TRANK1: variants seen among roughly 807,000 people sequenced by gnomAD.
TRANK1 encodes the protein tetratricopeptide repeat and ankyrin repeat containing 1.
In TRANK1, 198 loss-of-function variants were observed where a neutral mutation model predicts 266.0. The observed-to-expected ratio is 0.74, with a 90% CI of 0.66 to 0.84. The LOEUF (loss-of-function observed/expected upper bound fraction) is 0.84. TRANK1 is among the 40% of genes least tolerant of loss of function. The pLI is 0.00. For synonymous variants in TRANK1, 1,396 were observed against 1,384.1 expected (o/e 1.01, Z -0.19); for missense variants, 3,326 against 3,634.6 (o/e 0.92, Z 2.18).
Position 36,827,436 on chromosome 3 carries a change from C to G in TRANK1, c.*839G>C, listed in dbSNP as rs2078644063. 6.6e-6 allele frequency: 1 copy of G among 152,330 alleles called. No homozygotes were observed. The highest frequency in any genetic ancestry group is 2.4e-5 in the African/African-American group (1 of 41,472). The allele number at this position is 152,330 out of a possible 1,614,324, so 9.4% of individuals were successfully genotyped here. On this transcript the variant is annotated 3_prime_UTR_variant, in exon 24 of 24. Transcript: ENST00000645898. ...AACTTGCCAGGGAGAACCAAGAAAA[C>G]TAGATGTACAGGGCTGTATACAAAA...
rs769646137 is a variant in TRANK1, at chr3:36,861,114, G to A, written c.1287C>T (p.Thr429=). ...TTTCCAATAAGAATTTGAAGACGGT[G>A]GTGGCACAGTCTTGATTAATATCAC... ...LVCDINQDCA[T]TVFKFLLEKQ... is the part of the protein sequence containing the mutation. The change falls in exon 11 of 24, where the codon ACC becomes ACT. Residue 429 remains threonine, a synonymous_variant. Transcript: ENST00000645898. 15 of 1,537,406 alleles carry A rather than the reference G, an allele frequency of 9.8e-6. No homozygotes were observed. Among genetic ancestry groups the A allele is most frequent in the Non-Finnish European group, 1.3e-5 (15 of 1,146,924 alleles).
At chr3:36,922,151 AAAT>A (rs1212199159) in intron 1 of TRANK1, among the ~76,000 whole-genome samples, 1 of 151,904 alleles carries the variant, frequency 6.6e-6, no homozygotes, top group Non-Finnish European at 1.5e-5. Context: ...ATCTCAATAA[AAAT>A]AATAATAATA....
chr3:36,835,932 C>T (rs1030589952), intron 20 of TRANK1, among the ~76,000 whole-genome samples: 7 of 152,254 alleles, frequency 4.6e-5, no homozygotes, highest in Middle Eastern at 3.4e-3. Context: ...AGACTTTCCT[C>T]GAGACACAAC....
chr3:36,850,043 A>G (rs2078966275), intron 15 of TRANK1: 1 of 985,280 alleles, frequency 1.0e-6, no homozygotes, highest in South Asian at 4.7e-5. Flanking sequence ...TTCTTTCACA[A>G]ATAGAGCCAA....
chr3:36,934,783 T>A (rs2080402361), intron 1 of TRANK1, among the ~76,000 whole-genome samples: 1 of 152,086 alleles, frequency 6.6e-6, no homozygotes, highest in South Asian at 2.1e-4. Context: ...ATGTCCTAAC[T>A]AGAAAACAAC....
intron 1 of TRANK1, among the ~76,000 whole-genome samples, chr3:36,923,420 TA>T (rs2080244477): frequency 6.6e-6 from 1 of 151,964 alleles, no homozygotes; most frequent in Non-Finnish European, 1.5e-5. Context: ...CACGCCCAGC[TA>T]ATTGTTGTAT....
intron 1 of TRANK1, among the ~76,000 whole-genome samples, chr3:36,940,131 C>T (rs1024542906): frequency 2.4e-4 from 36 of 151,786 alleles, no homozygotes; most frequent in African/African-American, 8.4e-4. Context: ...GTGATCTACC[C>T]GCCTCAGCCT....
At chr3:36,943,872 GCTT>G (rs2080532665) in intron 1 of TRANK1, among the ~76,000 whole-genome samples, 1 of 152,028 alleles carries the variant, frequency 6.6e-6, no homozygotes, top group African/African-American at 2.4e-5. Context: ...TTCTCTTTCT[GCTT>G]CTTAAATTTT....
intron 2 of TRANK1, among the ~76,000 whole-genome samples, chr3:36,903,894 A>G (rs1036418340): frequency 6.6e-6 from 1 of 152,254 alleles, no homozygotes; most frequent in Non-Finnish European, 1.5e-5. Context: ...CAATATGTCA[A>G]GAGAAGCCCA....
Position 36,831,734 on chromosome 3 carries a change from G to T in TRANK1, c.7849C>A (p.Arg2617=). The change falls in exon 22 of 24, where the codon CGG becomes AGG. Residue 2617 remains arginine (R), a synonymous_variant. Coordinates refer to ENST00000645898, the MANE Select transcript of TRANK1 (RefSeq NM_001329998.2). The surrounding 1 kb of genome is among the most constrained non-coding windows in gnomAD (Gnocchi z 5.0). ...VPERLLKVVK[R]VLVAVNVKSV... The stretch of plus-strand genomic sequence containing the variant: ...TTCACATTGACTGCCACCAAGACCC[G>T]CTTCACCACCTTCAGGAGCCTCTCG... 6.2e-7 allele frequency: 1 copy of T among 1,613,908 alleles called. No individual in the cohort carries two copies. The highest frequency in any genetic ancestry group is 1.1e-5 in the South Asian group (1 of 91,070).
At chr3:36,941,139 C>G (rs890451355) in intron 1 of TRANK1, among the ~76,000 whole-genome samples, 2 of 152,338 alleles carry the variant, frequency 1.3e-5, no homozygotes, top group East Asian at 1.9e-4. Flanking sequence ...CTATAATTCT[C>G]TATATTTTAT....
In TRANK1 at chr3:36,857,754, G is replaced by C; in HGVS notation, c.1968C>G (p.Ser656Arg). The C allele has an allele frequency of 6.2e-7, 1 of 1,613,990 alleles. No homozygotes were observed. Among genetic ancestry groups the C allele is most frequent in the Non-Finnish European group, 8.5e-7 (1 of 1,179,896 alleles). Residue 656 changes from serine to arginine, a missense_variant, in exon 13 of 24, where the codon AGC (serine) becomes AGG (arginine). Coordinates refer to ENST00000645898, the MANE Select transcript of TRANK1 (RefSeq NM_001329998.2). This position sits in a 1 kb window ranked among gnomAD's most constrained non-coding sequence, Gnocchi z 4.3. The part of the protein sequence containing the change: ...NKALMENRRR[S>R]RQDSAAHLGK... ...CCAGGTGGGCAGCAGAGTCCTGCCGGCTCCTCCTCCTGTTCTCCATCAGAG... is the reference window on the plus strand; with the variant it reads ...CCAGGTGGGCAGCAGAGTCCTGCCGCCTCCTCCTCCTGTTCTCCATCAGAG...
At position 36,856,215 on chromosome 3, in the gene TRANK1, T is replaced by C. The variant is rs1334658446; in HGVS notation, c.3507A>G (p.Pro1169=). Residue 1169 remains proline, a synonymous_variant, in exon 13 of 24, where the codon CCA becomes CCG. Transcript: ENST00000645898. ...EACAGGAGVE[P]AGDGQAAEVC... is the part of the protein sequence containing the mutation. ...CTTCTGCAGCTTGGCCGTCCCCTGC[T>C]GGCTCCACACCGGCTCCTCCTGCGC... 6.2e-7 allele frequency: 1 copy of C among 1,613,826 alleles called. No homozygotes were observed.
intron 1 of TRANK1, among the ~76,000 whole-genome samples, chr3:36,937,745 G>A (rs938478982): frequency 6.6e-6 from 1 of 152,166 alleles, no homozygotes; most frequent in Non-Finnish European, 1.5e-5. Flanking sequence ...CCCAATAACT[G>A]CCATTTTTCC....
At chr3:36,892,002 T>C (rs1235544344) in intron 7 of TRANK1, among the ~76,000 whole-genome samples, 200 bp downstream of exon 7, 1 of 152,236 alleles carries the variant, frequency 6.6e-6, no homozygotes, top group Non-Finnish European at 1.5e-5. Flanking sequence ...CGTTTGGACC[T>C]CCTGCAGCTA....
At chr3:36,941,835 G>C (rs2080500450) in intron 1 of TRANK1, among the ~76,000 whole-genome samples, 1 of 152,142 alleles carries the variant, frequency 6.6e-6, no homozygotes, top group African/African-American at 2.4e-5. Context: ...GGAACCTCAG[G>C]CAGCACTCCA....
At chr3:36,866,114 AAG>A (rs1422450922) in intron 9 of TRANK1, among the ~76,000 whole-genome samples, 9 of 148,238 alleles carry the variant, frequency 6.1e-5, no homozygotes, top group East Asian at 2.0e-4. Flanking sequence ...GAAAGAAAGA[AAG>A]AGTCACCGAT....
chr3:36,830,805 A>T, intron 22 of TRANK1, 68 bp downstream of exon 22: 1 of 1,483,672 alleles, frequency 6.7e-7, no homozygotes, highest in Non-Finnish European at 9.0e-7. Flanking sequence ...CAAGGAATTT[A>T]ACCCTGAGAA....
chr3:36,941,859 T>C (rs144137437), intron 1 of TRANK1, among the ~76,000 whole-genome samples: 3 of 152,276 alleles, frequency 2.0e-5, no homozygotes, highest in Admixed American at 1.3e-4. Flanking sequence ...AAATTTGTTT[T>C]AAAAGCAATG....
Sources: allele counts gnomAD v4.1 joint callset (sites outside exome capture counted in the v4.1 genomes callset), GRCh38; gene constraint gnomAD v4.1.1; non-coding constraint Gnocchi (gnomAD v3.1); transcripts MANE v1.5; gene names NCBI Gene and HGNC (gene_info 2026-07-23, HGNC 2026-07-21).